The following PKHD1L1 variants were observed in gnomAD, a reference collection of about 807,000 sequenced individuals.
PKHD1L1 encodes the protein fibrocystin-L.
A neutral mutation model predicts 462.9 loss-of-function variants in PKHD1L1; 434 were observed. The observed-to-expected ratio is 0.94, with a 90% CI of 0.87 to 1.02. The LOEUF (loss-of-function observed/expected upper bound fraction) is 1.02. Ranked by LOEUF, PKHD1L1 falls within the 50% of genes least tolerant of loss-of-function variation. PKHD1L1 has a pLI of 0.00. For synonymous variants in PKHD1L1, 1,781 were observed against 1,750.0 expected (o/e 1.02, Z -0.44); for missense variants, 5,202 against 5,096.1 (o/e 1.02, Z -0.63).
rs1367882151 is a variant in PKHD1L1 at position 109,449,346 on chromosome 8, G to A, written c.6034G>A (p.Gly2012Ser). 6 of 1,572,584 alleles carry A rather than the reference G, an allele frequency of 3.8e-6. No homozygotes were observed. The highest frequency in any genetic ancestry group is 5.2e-6 in the Non-Finnish European group (6 of 1,157,694). Residue 2012 changes from glycine to serine, a missense_variant, in exon 40 of 78, where the codon GGT becomes AGT. This residue lies in a region of PKHD1L1 where 4,497 missense variants were observed against 4,336.8 expected (regional missense o/e 1.04). Transcript: ENST00000378402. ...QNINPSQGSFGGGQTMTVTGT... is the reference protein window; with the variant it reads ...QNINPSQGSFSGGQTMTVTGT... Reference sequence around the variant, plus strand: ...TTATTTGTCTTCACTAGGGAGCTTTGGTGGGGGTCAAACCATGACTGTGAC... The same window carrying A: ...TTATTTGTCTTCACTAGGGAGCTTTAGTGGGGGTCAAACCATGACTGTGAC...
In PKHD1L1 at chr8:109,492,800, T is replaced by A. The variant is rs565136520; in HGVS notation, c.10236+806T>A. Among the ~76,000 whole-genome samples, 6 of 152,022 alleles carry A rather than the reference T, an allele frequency of 3.9e-5. No individual in the cohort carries two copies. In the East Asian group the frequency reaches 1.2e-3, roughly 29 times the overall value. On this transcript the variant is annotated intron_variant, in intron 62 of 77. Coordinates refer to ENST00000378402, the MANE Select transcript of PKHD1L1 (RefSeq NM_177531.6). ...TTAAAAATAAGTGTGTTTGATATGA[T>A]CACAACTTTTGACTGTTTTGCTGAC...
At chr8:109,416,635 G>T (rs1046273997) in intron 21 of PKHD1L1, among the ~76,000 whole-genome samples, 1 of 152,152 alleles carries the variant, frequency 6.6e-6, no homozygotes, top group Non-Finnish European at 1.5e-5. Flanking sequence ...AATGAGTGGG[G>T]AGAATGCTAC....
Position 109,537,106 on chromosome 8 carries a change from C to A in PKHD1L1, c.*7016C>A, listed in dbSNP as rs1300360024. Among the ~76,000 whole-genome samples the A allele has an allele frequency of 1.3e-5, 2 of 152,170 alleles. No individual in the cohort carries two copies. Among genetic ancestry groups the A allele is most frequent in the African/African-American group, 4.8e-5 (2 of 41,426 alleles). ...CTGCTCAAAGATGTCACTCTATGTG[C>A]GGCAAAGCTTTGTTTTACTTGATCA... On this transcript the variant is annotated 3_prime_UTR_variant, in exon 78 of 78. Transcript: ENST00000378402.
chr8:109,479,947 T>C, intron 54 of PKHD1L1, 44 bp from the exon 55 acceptor site: 1 of 1,489,866 alleles, frequency 6.7e-7, no homozygotes, highest in Non-Finnish European at 8.9e-7. Flanking sequence ...CTATAAGTTG[T>C]AGTTTATGGA....
At position 109,523,387 on chromosome 8, in the gene PKHD1L1, G is replaced by A. The variant is rs376980990; in HGVS notation, c.12484+1G>A. ...ACAGACCTTACTCCCCTTAGAACAG[G>A]TGGGTGCACTATTTTGGATCCTCAC... On this transcript the variant is annotated splice_donor_variant, in intron 76 of 77. Transcript: ENST00000378402. LOFTEE classifies it high-confidence loss of function. The A allele has an allele frequency of 1.7e-5, 27 of 1,608,910 alleles. No individual in the cohort carries two copies. The highest frequency in any genetic ancestry group is 2.2e-5 in the Non-Finnish European group (26 of 1,176,938).
At chr8:109,493,124 G>C (rs1818914395) in intron 62 of PKHD1L1, among the ~76,000 whole-genome samples, 1 of 150,610 alleles carries the variant, frequency 6.6e-6, no homozygotes, top group Non-Finnish European at 1.5e-5. Context: ...TTAAGCTTAG[G>C]AGTTTGAGAT....
intron 58 of PKHD1L1, among the ~76,000 whole-genome samples, 155 bp from the exon 59 acceptor site, chr8:109,486,493 C>T (rs1413289231): frequency 2.6e-5 from 4 of 151,968 alleles, no homozygotes; most frequent in Non-Finnish European, 5.9e-5. Flanking sequence ...TAATATCAGA[C>T]TGCCATCTAT....
intron 9 of PKHD1L1, among the ~76,000 whole-genome samples, chr8:109,392,822 C>A (rs1344609976): frequency 6.6e-6 from 1 of 152,112 alleles, no homozygotes; most frequent in Non-Finnish European, 1.5e-5. Flanking sequence ...AAAGGCCTTT[C>A]TGTGGCATCT....
Position 109,509,826 on chromosome 8 carries a change from T to A in PKHD1L1, c.11396-951T>A, listed in dbSNP as rs1819879161. Among the ~76,000 whole-genome samples, 2 of 152,056 alleles carry A rather than the reference T, an allele frequency of 1.3e-5. 1 individual carries two copies. The highest frequency in any genetic ancestry group is 4.8e-5 in the African/African-American group (2 of 41,428). ...ATTGATTTAAAATTTGATTGAGGTG[T>A]AGTTATAAATATTGATAATACTTCC... is the stretch of plus-strand genomic sequence containing the variant. On this transcript the variant is annotated intron_variant, in intron 70 of 77. Coordinates refer to ENST00000378402, the MANE Select transcript of PKHD1L1 (RefSeq NM_177531.6).
At chr8:109,428,940 CAGAT>C (rs1010082362) in intron 25 of PKHD1L1, among the ~76,000 whole-genome samples, 6 of 152,200 alleles carry the variant, frequency 3.9e-5, no homozygotes, top group Middle Eastern at 3.4e-3. Context: ...AGTTGACTCT[CAGAT>C]AGAAAGATGA....
At position 109,535,617 on chromosome 8, in the gene PKHD1L1, C is replaced by T; in HGVS notation, c.*5527C>T. Among the ~76,000 whole-genome samples the T allele has an allele frequency of 6.6e-6, 1 of 152,112 alleles. No homozygotes were observed. Among genetic ancestry groups the T allele is most frequent in the East Asian group, 1.9e-4 (1 of 5,200 alleles). The stretch of plus-strand genomic sequence containing the variant: ...TCAAAATTAAGAGTTTAAAAAGCAA[C>T]AATCAAGACACATATCCTCCTAAGT... On this transcript the variant is annotated 3_prime_UTR_variant, in exon 78 of 78. Coordinates refer to ENST00000378402, the MANE Select transcript of PKHD1L1 (RefSeq NM_177531.6).
chr8:109,466,565 G>C lies in PKHD1L1; in HGVS notation c.8414-13G>C. ...GTGAAATAAAAAACATATTTTGTTT[G>C]TTTGTTTCCCAGGGCACAAAGGACA... On this transcript the variant is annotated splice_polypyrimidine_tract_variant and intron_variant, in intron 49 of 77. Coordinates refer to ENST00000378402, the MANE Select transcript of PKHD1L1 (RefSeq NM_177531.6). 6.4e-7 allele frequency: 1 copy of C among 1,557,502 alleles called. No individual in the cohort carries two copies. The highest frequency in any genetic ancestry group is 8.7e-7 in the Non-Finnish European group (1 of 1,151,670).
chr8:109,429,281 A>G (rs1321690131), intron 25 of PKHD1L1, 59 bp from the exon 26 acceptor site: 1 of 1,343,522 alleles, frequency 7.4e-7, no homozygotes, highest in African/African-American at 1.5e-5. Context: ...TAAAATGAAA[A>G]ACTAGTGTCG....
At chr8:109,497,773 T>C (rs1819190832) in intron 65 of PKHD1L1, among the ~76,000 whole-genome samples, 1 of 148,786 alleles carries the variant, frequency 6.7e-6, no homozygotes, top group Non-Finnish European at 1.5e-5. Context: ...CTCTTCTTGC[T>C]TATCACCTGC....
In PKHD1L1 at chr8:109,444,838, C is replaced by T. The variant is rs768272263; in HGVS notation, c.4969C>T (p.Leu1657Phe). The T allele has an allele frequency of 1.2e-6, 2 of 1,614,000 alleles. No homozygotes were observed. Among genetic ancestry groups the T allele is most frequent in the Non-Finnish European group, 8.5e-7 (1 of 1,179,890 alleles). The stretch of plus-strand genomic sequence containing the variant: ...CAATGAATTTGATAGGCGATTTGTA[C>T]TTTTGCCAAACATTGACCTGGTGTT... ...LSNEFDRRFV[L>F]LPNIDLVLPN... The change falls in exon 38 of 78, where the codon CTT (leucine) becomes TTT (phenylalanine). Residue 1657 changes from leucine (L) to phenylalanine (F), a missense_variant. Physicochemically the swap from Leu to Phe is conservative, Grantham distance 22. Coordinates refer to ENST00000378402, the MANE Select transcript of PKHD1L1 (RefSeq NM_177531.6).
intron 63 of PKHD1L1, among the ~76,000 whole-genome samples, chr8:109,494,497 G>A (rs953214004): frequency 2.0e-5 from 3 of 151,840 alleles, no homozygotes; most frequent in African/African-American, 4.8e-5. Flanking sequence ...TTTGTGTCCC[G>A]CAATGGTAGA....
At chr8:109,431,922 A>G (rs1815126031) in intron 27 of PKHD1L1, among the ~76,000 whole-genome samples, 1 of 152,208 alleles carries the variant, frequency 6.6e-6, no homozygotes, top group African/African-American at 2.4e-5. Context: ...TGGCTATACT[A>G]CCAGCAAATG....
chr8:109,407,993 T>C lies in PKHD1L1; in HGVS notation c.1814-56T>C, dbSNP rs1586448609. The stretch of plus-strand genomic sequence containing the variant: ...AATATATATAAAATATATAGTTTTA[T>C]ATATAGGCATTTTATTAGTTAATGT... On this transcript the variant is annotated intron_variant, in intron 17 of 77. Transcript: ENST00000378402. 39 of 1,256,882 alleles carry C rather than the reference T, an allele frequency of 3.1e-5. No homozygotes were observed. In the South Asian group the frequency reaches 7.1e-4, roughly 23 times the overall value. 77.9% of individuals were successfully genotyped at this position (1,256,882 alleles called of 1,614,324 possible).
intron 57 of PKHD1L1, 88 bp downstream of exon 57, chr8:109,483,193 T>C: frequency 1.1e-6 from 1 of 871,920 alleles, no homozygotes; most frequent in East Asian, 3.2e-5. Flanking sequence ...GGGCATTCAT[T>C]TTCTCATGTG....
Sources: gnomAD v4.1 joint callset for allele counts (sites outside exome capture counted in the v4.1 genomes callset) on GRCh38, gnomAD v4.1.1 for gene constraint, gnomAD v4.1.1 regional missense constraint, MANE v1.5 for transcripts, NCBI Gene and HGNC (gene_info 2026-07-23, HGNC 2026-07-21) for gene names.